FAM135B: variants seen among roughly 807,000 people sequenced by gnomAD.
FAM135B encodes protein FAM135B.
Under a neutral mutation model 127.7 loss-of-function variants are expected in FAM135B, and 43 were observed. That is an observed-to-expected ratio of 0.34 (90% confidence interval 0.26 to 0.43). FAM135B has a LOEUF of 0.43. Ranked by LOEUF, FAM135B falls within the 20% of genes least tolerant of loss-of-function variation. FAM135B has a pLI of 1.00. For synonymous variants in FAM135B, 670 were observed against 665.1 expected (o/e 1.01, Z -0.11); for missense variants, 1,558 against 1,725.6 (o/e 0.90, Z 1.72).
chr8:138,148,558 T>G lies in FAM135B; in HGVS notation c.3410A>C (p.Asp1137Ala). The G allele has an allele frequency of 6.2e-7, 1 of 1,614,140 alleles. No homozygotes were observed. The highest frequency in any genetic ancestry group is 1.1e-5 in the South Asian group (1 of 91,070). ...PPEEEEENLE[D>A]GIHLVVCVHG... ...GACACAGACAACCAGGTGAATTCCA[T>G]CTTCCAAATTTTCTTCCTCTTCCTC... The change falls in exon 14 of 20, where the codon GAT becomes GCT. Residue 1137 changes from aspartate to alanine, a missense_variant. Around this residue, in one of 5 missense-constraint regions of FAM135B, gnomAD observed 923 missense variants for 865.3 expected, o/e 1.07. Transcript: ENST00000395297.
At chr8:138,281,218 T>C (rs968229319) in intron 3 of FAM135B, among the ~76,000 whole-genome samples, 22 of 152,200 alleles carry the variant, frequency 1.4e-4, no homozygotes, top group Admixed American at 3.3e-4. Context: ...ATTTTTCCTA[T>C]TTTATTTTAC....
chr8:138,140,017 T>C (rs1047965062), intron 17 of FAM135B, among the ~76,000 whole-genome samples: 3 of 152,224 alleles, frequency 2.0e-5, no homozygotes, highest in Non-Finnish European at 4.4e-5. Flanking sequence ...ATTGGTAAAG[T>C]CTGTCTTTTT....
intron 3 of FAM135B, among the ~76,000 whole-genome samples, chr8:138,266,709 G>T (rs1822963488): frequency 6.8e-6 from 1 of 146,390 alleles, no homozygotes; most frequent in Non-Finnish European, 1.5e-5. Flanking sequence ...GGGAACAAAT[G>T]GACGAACTCC....
At position 138,298,489 on chromosome 8, in the gene FAM135B, T is replaced by G. The variant is rs189747480; in HGVS notation, c.157+12352A>C. Among the ~76,000 whole-genome samples the G allele has an allele frequency of 5.7e-4, 87 of 152,238 alleles. 1 individual carries two copies. The highest frequency in any genetic ancestry group is 2.0e-3 in the Admixed American group (30 of 15,296). On this transcript the variant is annotated intron_variant, in intron 3 of 19. Coordinates refer to ENST00000395297, the MANE Select transcript of FAM135B (RefSeq NM_015912.4). The stretch of plus-strand genomic sequence containing the variant: ...GTGCCAGACAAAAACATACCCAAGT[T>G]CAGAAGCTCTGAATTGGGAATGAAC...
intron 12 of FAM135B, among the ~76,000 whole-genome samples, chr8:138,157,249 C>CCG (rs1818851375): frequency 8.5e-5 from 13 of 152,288 alleles, no homozygotes; most frequent in Admixed American, 6.5e-4. Flanking sequence ...TTCAACAGCA[C>CCG]TTCATGCTAA....
At chr8:138,302,198 G>C (rs1019165869) in intron 3 of FAM135B, among the ~76,000 whole-genome samples, 7 of 152,074 alleles carry the variant, frequency 4.6e-5, no homozygotes, top group Admixed American at 6.5e-5. Flanking sequence ...AAGGAGGGGG[G>C]TGAGGAGTCC....
At chr8:138,302,488 T>C (rs1053585921) in intron 3 of FAM135B, among the ~76,000 whole-genome samples, 1 of 152,176 alleles carries the variant, frequency 6.6e-6, no homozygotes, top group African/African-American at 2.4e-5. Flanking sequence ...CAGGGGACCC[T>C]GGAGCCTTAT....
rs916350062 is a variant in FAM135B at position 138,496,654 on chromosome 8, G to GA, written c.-20+16dup. The GA allele has an allele frequency of 2.0e-5, 3 of 152,264 alleles. No individual in the cohort carries two copies. The highest frequency in any genetic ancestry group is 6.5e-5 in the Admixed American group (1 of 15,296). 9.4% of individuals were successfully genotyped at this position (152,264 alleles called of 1,614,324 possible). A position where few individuals can be genotyped will look rare whatever the true frequency, so the allele number is the denominator to read the frequency against. On this transcript the variant is annotated intron_variant, in intron 1 of 19. Coordinates refer to ENST00000395297, the MANE Select transcript of FAM135B (RefSeq NM_015912.4). ...AGAGAGTTTTGCAGCTGCCGACCCC[G>GA]AAGCGCTCTCACCTACCTGTCTCCA... is the stretch of plus-strand genomic sequence containing the variant.
chr8:138,415,748 G>C (rs1184568954), intron 1 of FAM135B, among the ~76,000 whole-genome samples: 1 of 152,158 alleles, frequency 6.6e-6, no homozygotes, highest in Admixed American at 6.5e-5. Context: ...ATGGCCCCAA[G>C]GGGAATCCTA....
intron 3 of FAM135B, among the ~76,000 whole-genome samples, chr8:138,270,451 G>A (rs2130670406): frequency 6.6e-6 from 1 of 152,320 alleles, no homozygotes; most frequent in Non-Finnish European, 1.5e-5. Context: ...GCTACATTGT[G>A]AGCTGGAAAG....
intron 1 of FAM135B, among the ~76,000 whole-genome samples, chr8:138,491,186 G>T (rs903836143): frequency 6.9e-6 from 1 of 145,872 alleles, no homozygotes; most frequent in African/African-American, 2.5e-5. Flanking sequence ...GACAAGAAAA[G>T]AAAAATATTT....
At chr8:138,440,256 T>C (rs550832856) in intron 1 of FAM135B, 1 of 152,094 alleles carries the variant, frequency 6.6e-6, no homozygotes, top group South Asian at 2.1e-4. Flanking sequence ...TGCAAATAAA[T>C]GTCTCAGGAA....
chr8:138,273,160 TTAG>T (rs1311160392), intron 3 of FAM135B, among the ~76,000 whole-genome samples: 1 of 152,216 alleles, frequency 6.6e-6, no homozygotes, highest in East Asian at 1.9e-4. Flanking sequence ...TTACCAGATA[TTAG>T]TAGAAGTCTC....
At chr8:138,343,612 G>A (rs957273661) in intron 2 of FAM135B, among the ~76,000 whole-genome samples, 1 of 152,134 alleles carries the variant, frequency 6.6e-6, no homozygotes, top group African/African-American at 2.4e-5. Flanking sequence ...AGTGCCCAAG[G>A]GGAAGGCCCT....
chr8:138,368,119 C>A, intron 1 of FAM135B, 117 bp from the exon 2 acceptor site: 1 of 670,424 alleles, frequency 1.5e-6, no homozygotes, highest in South Asian at 1.8e-5. Context: ...AGCGTGTGTC[C>A]ACTGAACGTC....
Position 138,244,854 on chromosome 8 carries a change from T to C in FAM135B, c.543-1786A>G, listed in dbSNP as rs916474319. Among the ~76,000 whole-genome samples the C allele has an allele frequency of 5.9e-5, 9 of 152,330 alleles. No individual in the cohort carries two copies. The East Asian group carries it at 9.7e-4, about 16-fold the overall frequency. On this transcript the variant is annotated intron_variant, in intron 6 of 19. Coordinates refer to ENST00000395297, the MANE Select transcript of FAM135B (RefSeq NM_015912.4). ...ATCATATCCATTTGGGGGTTAAAAA[T>C]TGGATTCTTTGCTTCAGCTTGTTTT...
chr8:138,329,082 T>C lies in FAM135B; in HGVS notation c.78-18162A>G, dbSNP rs181474439. ...GTAAAGTAGGCCACCGAAAACTCCATAAACAAACAGCCACATAGGTGATCG... is the reference window on the plus strand; with the variant it reads ...GTAAAGTAGGCCACCGAAAACTCCACAAACAAACAGCCACATAGGTGATCG... On this transcript the variant is annotated intron_variant, in intron 2 of 19. Coordinates refer to ENST00000395297, the MANE Select transcript of FAM135B (RefSeq NM_015912.4). Among the ~76,000 whole-genome samples the C allele has an allele frequency of 4.0e-3, 614 of 152,166 alleles. 7 individuals carry two copies. Among genetic ancestry groups the C allele is most frequent in the African/African-American group, 0.014 (594 of 41,512 alleles).
At chr8:138,250,700 G>T in intron 6 of FAM135B, 141 bp downstream of exon 6, 4 of 907,960 alleles carry the variant, frequency 4.4e-6, no homozygotes, top group Non-Finnish European at 6.6e-6. Context: ...ATGCTCCTCA[G>T]TGAGGCCCAA....
Position 138,141,172 on chromosome 8 carries a change from A to G in FAM135B, c.3790+26T>C, listed in dbSNP as rs752296263. 1 of 1,612,094 alleles carries G rather than the reference A, an allele frequency of 6.2e-7. No homozygotes were observed. Among genetic ancestry groups the G allele is most frequent in the South Asian group, 1.1e-5 (1 of 90,850 alleles). On this transcript the variant is annotated intron_variant, in intron 17 of 19. Coordinates refer to ENST00000395297, the MANE Select transcript of FAM135B (RefSeq NM_015912.4). This position sits in a 1 kb window ranked among gnomAD's most constrained non-coding sequence, Gnocchi z 4.7. ...CAGAGGCCCCAGATTAATTCTGAGG[A>G]ATGACGAGTCCTAGAAGAATCTTAC...
Sources: gnomAD v4.1 joint callset for allele counts (sites outside exome capture counted in the v4.1 genomes callset) on GRCh38, gnomAD v4.1.1 for gene constraint, gnomAD v4.1.1 regional missense constraint, Gnocchi (gnomAD v3.1) non-coding constraint, MANE v1.5 for transcripts, NCBI Gene and HGNC (gene_info 2026-07-23, HGNC 2026-07-21) for gene names.